SFSWAP: variants seen among roughly 807,000 people sequenced by gnomAD.
SFSWAP encodes splicing factor, suppressor of white-apricot homolog.
A neutral mutation model predicts 100.7 loss-of-function variants in SFSWAP; 17 were observed. The ratio of observed to expected loss-of-function variants is 0.17; its 90% CI spans 0.12 to 0.25. The LOEUF is 0.25. Ranked by LOEUF, SFSWAP falls within the 10% of genes least tolerant of loss-of-function variation. The probability of loss-of-function intolerance (pLI) is 1.00; values close to 1 mark genes in which losing one functional copy is unlikely to be tolerated. For missense variants in SFSWAP, 1,005 were observed against 1,262.6 expected (o/e 0.80, Z 3.09); for synonymous variants, 504 against 510.1 (o/e 0.99, Z 0.16).
At chr12:131,756,800 C>G (rs972332389) in intron 11 of SFSWAP, among the ~76,000 whole-genome samples, 156 bp downstream of exon 11, 1 of 152,204 alleles carries the variant, frequency 6.6e-6, no homozygotes, top group African/African-American at 2.4e-5. Context: ...GCCTTCCATG[C>G]TGTGTCATGC....
rs765451228 is a variant in SFSWAP, at chr12:131,778,346, G to T, written c.2408+16G>T. The T allele has an allele frequency of 1.9e-6, 3 of 1,608,196 alleles. No homozygotes were observed. The highest frequency in any genetic ancestry group is 2.5e-6 in the Non-Finnish European group (3 of 1,176,632). On this transcript the variant is annotated intron_variant, in intron 14 of 17. Coordinates refer to ENST00000261674, the MANE Select transcript of SFSWAP (RefSeq NM_004592.4). This position sits in a 1 kb window ranked among gnomAD's most constrained non-coding sequence, Gnocchi z 4.2. ...GGCGGTCGAGGTGGGTGTGAAGGGG[G>T]CAGCACCTCTGGTACCCTCATGACC...
chr12:131,791,859 T>C (rs566640837), intron 15 of SFSWAP, among the ~76,000 whole-genome samples: 10 of 152,394 alleles, frequency 6.6e-5, no homozygotes, highest in African/African-American at 2.2e-4. Context: ...ATAAGGATTC[T>C]GTGTTTGGGG....
At chr12:131,742,291 C>T (rs1880716155) in intron 7 of SFSWAP, among the ~76,000 whole-genome samples, 1 of 152,172 alleles carries the variant, frequency 6.6e-6, no homozygotes, top group Admixed American at 6.5e-5. Context: ...GCTCTCTTTA[C>T]CCACAACTCT....
At chr12:131,795,310 C>T (rs922858007) in intron 15 of SFSWAP, among the ~76,000 whole-genome samples, 3 of 152,188 alleles carry the variant, frequency 2.0e-5, no homozygotes, top group Non-Finnish European at 2.9e-5. Context: ...ACAGGTCTGG[C>T]GCTGCTGCTT....
In SFSWAP at chr12:131,711,103, C is replaced by T. The variant is rs1877267836; in HGVS notation, c.-127C>T. 8.1e-6 allele frequency: 6 copies of T among 745,304 alleles called. No homozygotes were observed. Among genetic ancestry groups the T allele is most frequent in the Middle Eastern group, 7.8e-4 (2 of 2,552 alleles). 46.2% of individuals were successfully genotyped at this position (745,304 alleles called of 1,614,324 possible). On this transcript the variant is annotated 5_prime_UTR_variant, in exon 1 of 18. Transcript: ENST00000261674. This position sits in a 1 kb window ranked among gnomAD's most constrained non-coding sequence, Gnocchi z 4.9. ...TGCCCCTCCACCATTTTGTGGCCCGCTATGGCGGCGGTGTTGAGGTTGGGT... is the reference window on the plus strand; with the variant it reads ...TGCCCCTCCACCATTTTGTGGCCCGTTATGGCGGCGGTGTTGAGGTTGGGT...
chr12:131,754,573 A>T, intron 9 of SFSWAP, 74 bp downstream of exon 9: 9 of 937,952 alleles, frequency 9.6e-6, no homozygotes, highest in East Asian at 1.1e-4. Flanking sequence ...AAAAAAATGT[A>T]GGTACAGAAT....
chr12:131,723,854 T>A (rs980107054), intron 4 of SFSWAP, among the ~76,000 whole-genome samples: 3 of 152,390 alleles, frequency 2.0e-5, no homozygotes, highest in Non-Finnish European at 4.4e-5. Context: ...GTCGGCTTCC[T>A]TAAACAAAAG....
At chr12:131,799,290 C>A in intron 17 of SFSWAP, 133 bp from the exon 18 acceptor site, 1 of 1,082,080 alleles carries the variant, frequency 9.2e-7, no homozygotes, top group Non-Finnish European at 1.4e-6. Flanking sequence ...CCCTGCACAG[C>A]CAGGCTCCTC....
chr12:131,798,441 G>C (rs1436846924), intron 16 of SFSWAP, among the ~76,000 whole-genome samples: 2 of 152,204 alleles, frequency 1.3e-5, no homozygotes, highest in African/African-American at 4.8e-5. Context: ...GTTCTGGGAA[G>C]GCTCCACCGT....
chr12:131,715,095 T>G (rs537005490), intron 3 of SFSWAP, 142 bp downstream of exon 3: 6 of 737,382 alleles, frequency 8.1e-6, no homozygotes, highest in East Asian at 7.8e-5. Context: ...GGGAGTGATA[T>G]TCCTTCTTTT....
Position 131,764,602 on chromosome 12 carries a change from A to G in SFSWAP, c.1867A>G (p.Thr623Ala). Residue 623 changes from threonine to alanine, a missense_variant, in exon 12 of 18, where the codon ACT becomes GCT. Coordinates refer to ENST00000261674, the MANE Select transcript of SFSWAP (RefSeq NM_004592.4). ...AGAAAGTTCTAGTAGTGCTGCAAAC[A>G]CTAACCCAGCAGTTGCCCCACCCTG... Reference protein sequence around the residue: ...GQESSSSAANTNPAVAPPCVV... With the variant: ...GQESSSSAANANPAVAPPCVV... 6.2e-7 allele frequency: 1 copy of G among 1,614,254 alleles called. No individual in the cohort carries two copies. Among genetic ancestry groups the G allele is most frequent in the Non-Finnish European group, 8.5e-7 (1 of 1,180,048 alleles).
intron 4 of SFSWAP, among the ~76,000 whole-genome samples, chr12:131,721,272 A>C (rs1030973860): frequency 1.3e-5 from 2 of 152,204 alleles, no homozygotes; most frequent in African/African-American, 4.8e-5. Context: ...CTGGGGACAC[A>C]GATCCAAACT....
At chr12:131,763,994 C>T (rs1015290665) in intron 11 of SFSWAP, among the ~76,000 whole-genome samples, 6 of 152,006 alleles carry the variant, frequency 3.9e-5, no homozygotes, top group African/African-American at 9.7e-5. Flanking sequence ...GGCATGGCAG[C>T]GGGCGCCTGT....
intron 11 of SFSWAP, chr12:131,757,966 T>A (rs1882328766): frequency 6.6e-6 from 1 of 152,208 alleles, no homozygotes. Flanking sequence ...TGCAGAGAAG[T>A]ACCCTTGAGA....
intron 15 of SFSWAP, among the ~76,000 whole-genome samples, chr12:131,791,157 C>T (rs1045227965): frequency 2.0e-5 from 3 of 152,158 alleles, no homozygotes; most frequent in Non-Finnish European, 4.4e-5. Flanking sequence ...CTTCAGGAGG[C>T]CAAGGCAGGT....
chr12:131,775,108 T>C (rs1160428281), intron 13 of SFSWAP, among the ~76,000 whole-genome samples: 4 of 152,238 alleles, frequency 2.6e-5, no homozygotes, highest in African/African-American at 9.6e-5. Flanking sequence ...ATCTCCCCTC[T>C]GTTTTAACAC....
In SFSWAP at chr12:131,714,307, C is replaced by T; in HGVS notation, c.388+67C>T. 1 of 1,352,570 alleles carries T rather than the reference C, an allele frequency of 7.4e-7. No homozygotes were observed. The highest frequency in any genetic ancestry group is 2.2e-5 in the Admixed American group (1 of 45,614). The allele number at this position is 1,352,570 out of a possible 1,614,324, so 83.8% of individuals were successfully genotyped here. ...AAATTTTTAAGTATTTAAAAATTTA[C>T]TCCCATTCATTTTTTTATACTCACT... On this transcript the variant is annotated intron_variant, in intron 2 of 17. Transcript: ENST00000261674. The surrounding 1 kb of genome is among the most constrained non-coding windows in gnomAD (Gnocchi z 6.0).
chr12:131,754,084 T>G (rs567499143), intron 8 of SFSWAP, among the ~76,000 whole-genome samples: 50 of 152,348 alleles, frequency 3.3e-4, no homozygotes, highest in African/African-American at 1.2e-3. Context: ...GCTTATTCTT[T>G]GTTATTTCTA....
intron 12 of SFSWAP, 127 bp from the exon 13 acceptor site, chr12:131,765,991 A>T (rs1263214510): frequency 1.2e-6 from 1 of 865,056 alleles, no homozygotes; most frequent in African/African-American, 1.7e-5. Flanking sequence ...GATTTGTCCA[A>T]TGTATGTACC....
Sources: gnomAD v4.1 joint callset for allele counts (sites outside exome capture counted in the v4.1 genomes callset) on GRCh38, gnomAD v4.1.1 for gene constraint, Gnocchi (gnomAD v3.1) non-coding constraint, MANE v1.5 for transcripts, NCBI Gene and HGNC (gene_info 2026-07-23, HGNC 2026-07-21) for gene names.